PBX1: variants seen among roughly 807,000 people sequenced by gnomAD.
PBX1 encodes pre-B-cell leukemia transcription factor 1.
A neutral mutation model predicts 53.4 loss-of-function variants in PBX1; 6 were observed. That is an observed-to-expected ratio of 0.11 (90% confidence interval 0.06 to 0.22). The LOEUF (loss-of-function observed/expected upper bound fraction) is 0.22, where lower values mean the gene tolerates loss of function less well. Ranked by LOEUF, PBX1 falls within the 10% of genes least tolerant of loss-of-function variation. The pLI, the probability that PBX1 is intolerant of heterozygous loss-of-function variation, is 1.00. For missense variants in PBX1, 251 were observed against 551.4 expected, an observed-to-expected ratio of 0.46 and a Z score of 5.46; for synonymous variants, 204 against 212.3, an observed-to-expected ratio of 0.96 and a Z score of 0.34.
intron 6 of PBX1, chr1:164,813,309 G>A (rs1181417545): frequency 6.6e-6 from 1 of 152,236 alleles, no homozygotes; most frequent in Non-Finnish European, 1.5e-5. Flanking sequence ...TGCATGAAGA[G>A]TAGCCTGGGC....
chr1:164,757,015 T>A (rs975979985), intron 2 of PBX1, among the ~76,000 whole-genome samples: 11 of 152,268 alleles, frequency 7.2e-5, no homozygotes, highest in African/African-American at 2.6e-4. Context: ...AGAAGTGGTA[T>A]TTAGTCATAT....
At chr1:164,797,613 A>G (rs1668852197) in intron 3 of PBX1, among the ~76,000 whole-genome samples, 2 of 152,188 alleles carry the variant, frequency 1.3e-5, no homozygotes, top group South Asian at 4.1e-4. Flanking sequence ...CCCACAGAGT[A>G]AAAAGGAGGT....
In PBX1 at chr1:164,724,709, T is replaced by A. The variant is rs796471183; in HGVS notation, c.266-67785T>A. On this transcript the variant is annotated intron_variant, in intron 2 of 8. Transcript: ENST00000420696. ...TTTTTTTTTTTTTTTTTTTTTTTTT[T>A]AGTGCCCATTCTAGTAGCAACAAAA... Among the ~76,000 whole-genome samples, 887 of 95,062 alleles carry A rather than the reference T, an allele frequency of 9.3e-3. 14 individuals are homozygous for A. The highest frequency in any genetic ancestry group is 0.036 in the African/African-American group (852 of 23,674). 62.4% of individuals were successfully genotyped at this position (95,062 alleles called of 152,430 possible).
intron 2 of PBX1, among the ~76,000 whole-genome samples, chr1:164,653,051 G>C (rs1019933200): frequency 2.6e-5 from 4 of 151,808 alleles, no homozygotes; most frequent in Admixed American, 2.0e-4. Flanking sequence ...ATTTTTTGTA[G>C]AGATGGAGTT....
intron 2 of PBX1, among the ~76,000 whole-genome samples, chr1:164,592,774 T>C (rs1322382179): frequency 6.6e-6 from 1 of 151,912 alleles, no homozygotes; most frequent in Non-Finnish European, 1.5e-5. Context: ...CTGAGTAGAG[T>C]CTCTGCTGCT....
downstream of PBX1, chr1:164,851,927 G>A (rs1241164439): frequency 6.4e-6 from 1 of 155,452 alleles, no homozygotes; most frequent in Non-Finnish European, 1.4e-5. Context: ...TTAAACTGTT[G>A]CCCTAATCAC....
intron 2 of PBX1, among the ~76,000 whole-genome samples, chr1:164,718,012 T>C (rs1664199414): frequency 6.6e-6 from 1 of 152,248 alleles, no homozygotes; most frequent in African/African-American, 2.4e-5. Context: ...CAAATGACAT[T>C]ATCCCCATTT....
At chr1:164,651,048 C>A (rs754937264) in intron 2 of PBX1, among the ~76,000 whole-genome samples, 1 of 152,124 alleles carries the variant, frequency 6.6e-6, no homozygotes, top group African/African-American at 2.4e-5. Flanking sequence ...CATGTCAGCT[C>A]CCACCCCAGC....
At chr1:164,811,728 T>TAA (rs1310225987) in intron 5 of PBX1, among the ~76,000 whole-genome samples, 3 of 152,232 alleles carry the variant, frequency 2.0e-5, no homozygotes, top group Non-Finnish European at 4.4e-5. Context: ...GGTTCTAGCT[T>TAA]AAATGAGCAG....
intron 2 of PBX1, among the ~76,000 whole-genome samples, chr1:164,678,344 C>T (rs1001657233): frequency 1.5e-4 from 23 of 152,186 alleles, no homozygotes; most frequent in African/African-American, 5.3e-4. Context: ...TGTATCACAG[C>T]CAGCATAGAA....
At chr1:164,845,814 TG>T (rs1296194024) in intron 8 of PBX1, among the ~76,000 whole-genome samples, 1 of 152,158 alleles carries the variant, frequency 6.6e-6, no homozygotes, top group East Asian at 1.9e-4. Context: ...CTAGTCCTTA[TG>T]GCCTTGGCAC....
At chr1:164,592,427 G>C (rs1352018712) in intron 2 of PBX1, among the ~76,000 whole-genome samples, 1 of 152,186 alleles carries the variant, frequency 6.6e-6, no homozygotes, top group African/African-American at 2.4e-5. Context: ...ATCATCCCTG[G>C]CAGGCCTTTA....
chr1:164,601,285 C>G (rs1011260445), intron 2 of PBX1, among the ~76,000 whole-genome samples: 31 of 143,480 alleles, frequency 2.2e-4, no homozygotes, highest in African/African-American at 8.1e-4. Context: ...GTGAACTTAA[C>G]CTGAGATTAA....
At chr1:164,865,597 A>C (rs993061107) in intron 2 of PBX1, among the ~76,000 whole-genome samples, 2 of 152,212 alleles carry the variant, frequency 1.3e-5, no homozygotes, top group African/African-American at 4.8e-5. Context: ...CTATTATTAT[A>C]TTCATTACAA....
In PBX1 at chr1:164,567,180, G is replaced by A. The variant is rs1370865622; in HGVS notation, c.265+3869G>A. Among the ~76,000 whole-genome samples, 6 of 152,220 alleles carry A rather than the reference G, an allele frequency of 3.9e-5. No homozygotes were observed. In the South Asian group the frequency reaches 6.2e-4, roughly 16 times the overall value. On this transcript the variant is annotated intron_variant, in intron 2 of 8. Coordinates refer to ENST00000420696, the MANE Select transcript of PBX1 (RefSeq NM_002585.4). ...GAATAATTTGTGTGTCTATGTATAT[G>A]TGTGTGTGTATGTTTGCATATGTAG...
At chr1:164,797,738 A>G (rs1668858238) in intron 3 of PBX1, among the ~76,000 whole-genome samples, 1 of 152,240 alleles carries the variant, frequency 6.6e-6, no homozygotes, top group African/African-American at 2.4e-5. Flanking sequence ...TTTTGAAGAG[A>G]TAATTGTGAC....
At chr1:164,667,275 A>C (rs2101963163) in intron 2 of PBX1, among the ~76,000 whole-genome samples, 1 of 152,258 alleles carries the variant, frequency 6.6e-6, no homozygotes. Flanking sequence ...TAAGTAAAAA[A>C]CAATGCAAGG....
intron 2 of PBX1, among the ~76,000 whole-genome samples, chr1:164,717,660 A>T (rs930247314): frequency 1.3e-5 from 2 of 152,192 alleles, no homozygotes; most frequent in Admixed American, 6.5e-5. Flanking sequence ...CCAAGACCTC[A>T]TTTCCAATGG....
At chr1:164,692,622 G>T (rs1218620098) in intron 2 of PBX1, among the ~76,000 whole-genome samples, 3 of 152,090 alleles carry the variant, frequency 2.0e-5, no homozygotes, top group Non-Finnish European at 4.4e-5. Context: ...GAAGAAAAAT[G>T]GTTATCAGTA....
Sources: gnomAD v4.1 joint callset for allele counts (sites outside exome capture counted in the v4.1 genomes callset) on GRCh38, gnomAD v4.1.1 for gene constraint, MANE v1.5 for transcripts, NCBI Gene and HGNC (gene_info 2026-07-23, HGNC 2026-07-21) for gene names.